Variants in TCTN3 observed in about 807,000 individuals in gnomAD.
The protein encoded by TCTN3 is tectonic family member 3.
In TCTN3, 57 loss-of-function variants were observed where a neutral mutation model predicts 71.3. The ratio of observed to expected loss-of-function variants is 0.80; its 90% CI spans 0.65 to 1.00. The LOEUF (loss-of-function observed/expected upper bound fraction) is 1.00, where lower values mean the gene tolerates loss of function less well. Among genes scored for constraint, TCTN3 ranks in the 50% least tolerant of loss-of-function variants. TCTN3 has a pLI of 0.00. For synonymous variants in TCTN3, 258 were observed against 267.8 expected (o/e 0.96, Z 0.36); for missense variants, 696 against 719.9 (o/e 0.97, Z 0.38).
At chr10:95,678,600 A>C (rs1396646705) in intron 13 of TCTN3, among the ~76,000 whole-genome samples, 1 of 151,854 alleles carries the variant, frequency 6.6e-6, no homozygotes, top group Non-Finnish European at 1.5e-5. Context: ...CGGAGAAGTG[A>C]TTTCAAGTTA....
Position 95,691,830 on chromosome 10 carries a change from G to A in TCTN3, c.499+1090C>T, listed in dbSNP as rs559577909. ...TTATTGTACTCTACAGTTGTAGAGC[G>A]CTTTCATATACAAAGCCAATGATAT... On this transcript the variant is annotated intron_variant, in intron 3 of 13. Transcript: ENST00000371217. Among the ~76,000 whole-genome samples the A allele has an allele frequency of 2.6e-5, 4 of 152,180 alleles. No homozygotes were observed. In the East Asian group the frequency reaches 5.8e-4, roughly 22 times the overall value.
intron 3 of TCTN3, among the ~76,000 whole-genome samples, chr10:95,690,296 C>T (rs1009858604): frequency 1.3e-5 from 2 of 152,134 alleles, no homozygotes; most frequent in African/African-American, 4.8e-5. Flanking sequence ...CCAATAGATA[C>T]TAAGCACCAT....
chr10:95,687,237 C>G lies in TCTN3; in HGVS notation c.736+10G>C, dbSNP rs1167298601. 6.2e-7 allele frequency: 1 copy of G among 1,613,352 alleles called. No homozygotes were observed. Among genetic ancestry groups the G allele is most frequent in the Non-Finnish European group, 8.5e-7 (1 of 1,179,598 alleles). ...GAATGAAAAGGTTGGTACTTTTGCT[C>G]TGGATTCACCTGCAGGATTGCTTTC... On this transcript the variant is annotated intron_variant, in intron 5 of 13. Coordinates refer to ENST00000371217, the MANE Select transcript of TCTN3 (RefSeq NM_015631.6).
chr10:95,688,269 A>C, intron 3 of TCTN3, among the ~76,000 whole-genome samples: 1 of 151,966 alleles, frequency 6.6e-6, no homozygotes. Context: ...AGGCGCCTGT[A>C]ATCCCAGCTA....
rs753380010 is a variant in TCTN3, at chr10:95,683,139, C to T, written c.1260G>A (p.Val420=). The change falls in exon 11 of 14, where the codon GTG becomes GTA. Residue 420 remains valine (V), a synonymous_variant. Transcript: ENST00000371217. ...CAGATATTGCATTCACTCCAAACTG[C>T]ACTTCATGTCTTTTAACAGAGCAAC... The part of the protein sequence containing the change: ...NGSCSVKRHE[V]QFGVNAISGC... 2.5e-6 allele frequency: 4 copies of T among 1,614,104 alleles called. No homozygotes were observed. The South Asian group carries it at 3.3e-5, about 13-fold the overall frequency.
chr10:95,693,904 C>A lies in TCTN3; in HGVS notation c.-5G>T, dbSNP rs937121806. 3 of 1,551,530 alleles carry A rather than the reference C, an allele frequency of 1.9e-6. No individual in the cohort carries two copies. Among genetic ancestry groups the A allele is most frequent in the Admixed American group, 2.0e-5 (1 of 50,982 alleles). On this transcript the variant is annotated 5_prime_UTR_variant, in exon 1 of 14. The change abolishes an upstream ATG in the 5' untranslated region. Coordinates refer to ENST00000371217, the MANE Select transcript of TCTN3 (RefSeq NM_015631.6). ...CGCGAGCTGTGGGGTGCGCATGGGG[C>A]ATTCAGGGCCTCCGGGTCCGACGTA...
chr10:95,676,148 T>C (rs2097936918), intron 13 of TCTN3, among the ~76,000 whole-genome samples: 1 of 152,222 alleles, frequency 6.6e-6, no homozygotes, highest in Admixed American at 6.5e-5. Flanking sequence ...GTCAGAGATG[T>C]ATCCTCTGAA....
At chr10:95,676,241 G>GAATAGAA (rs2097937044) in intron 13 of TCTN3, among the ~76,000 whole-genome samples, 1 of 148,746 alleles carries the variant, frequency 6.7e-6, no homozygotes, top group South Asian at 2.1e-4. Context: ...GAATAAACCA[G>GAATAGAA]AATAGAAAAT....
At chr10:95,690,407 G>A (rs1340500750) in intron 3 of TCTN3, among the ~76,000 whole-genome samples, 4 of 152,118 alleles carry the variant, frequency 2.6e-5, no homozygotes, top group South Asian at 4.1e-4. Flanking sequence ...AATCCTATAG[G>A]TTCTAAGACG....
At chr10:95,666,271 C>G (rs1431869775) in intron 13 of TCTN3, among the ~76,000 whole-genome samples, 3 of 148,796 alleles carry the variant, frequency 2.0e-5, no homozygotes, top group Non-Finnish European at 3.0e-5. Context: ...TAGTGAGGCT[C>G]ATGAGGGACT....
chr10:95,673,102 A>G (rs2097933362), intron 13 of TCTN3, among the ~76,000 whole-genome samples: 1 of 152,198 alleles, frequency 6.6e-6, no homozygotes, highest in South Asian at 2.1e-4. Flanking sequence ...CAGATAAACT[A>G]TTGAGAAACT....
Position 95,684,633 on chromosome 10 carries a change from CA to C in TCTN3, c.970-10del. ...TCTATCTCATAGGTGACCTGAAATGCAAAAAGAATCAATTAATAAAAAGTAG... is the reference window on the plus strand; with the variant it reads ...TCTATCTCATAGGTGACCTGAAATGCAAAAGAATCAATTAATAAAAAGTAG... On this transcript the variant is annotated splice_polypyrimidine_tract_variant and intron_variant, in intron 8 of 13. Coordinates refer to ENST00000371217, the MANE Select transcript of TCTN3 (RefSeq NM_015631.6). The C allele has an allele frequency of 6.2e-7, 1 of 1,610,294 alleles. No individual in the cohort carries two copies. Among genetic ancestry groups the C allele is most frequent in the Non-Finnish European group, 8.5e-7 (1 of 1,178,552 alleles).
Position 95,682,824 on chromosome 10 carries a change from A to G in TCTN3, c.1299-20T>C. ...TTCAACCTATAATTAAACACCATGGAGGCTGCAGTCCAATGCTAACATAAT... is the reference window on the plus strand; with the variant it reads ...TTCAACCTATAATTAAACACCATGGGGGCTGCAGTCCAATGCTAACATAAT... On this transcript the variant is annotated intron_variant, in intron 11 of 13. Coordinates refer to ENST00000371217, the MANE Select transcript of TCTN3 (RefSeq NM_015631.6). The G allele has an allele frequency of 6.2e-7, 1 of 1,611,264 alleles. No homozygotes were observed. The highest frequency in any genetic ancestry group is 1.1e-5 in the South Asian group (1 of 90,604).
At chr10:95,665,170 G>A (rs1439439275) in intron 13 of TCTN3, among the ~76,000 whole-genome samples, 1 of 152,140 alleles carries the variant, frequency 6.6e-6, no homozygotes, top group Non-Finnish European at 1.5e-5. Context: ...GTGGAGTGGT[G>A]CAATCATCAC....
chr10:95,666,235 C>T lies in TCTN3; in HGVS notation c.1591-1935G>A, dbSNP rs535075397. Among the ~76,000 whole-genome samples, 6 of 143,098 alleles carry T rather than the reference C, an allele frequency of 4.2e-5. No homozygotes were observed. In the East Asian group the frequency reaches 1.4e-3, roughly 34 times the overall value. 93.9% of individuals were successfully genotyped at this position (143,098 alleles called of 152,430 possible). On this transcript the variant is annotated intron_variant, in intron 13 of 13. Transcript: ENST00000371217. ...GGATTACAGGTGTGAGCCACCATGCCCAGCCTTTTTTTTTTTTTTTTAACA... is the reference window on the plus strand; with the variant it reads ...GGATTACAGGTGTGAGCCACCATGCTCAGCCTTTTTTTTTTTTTTTTAACA...
intron 9 of TCTN3, 48 bp from the exon 10 acceptor site, chr10:95,683,677 C>T: frequency 2.6e-6 from 4 of 1,516,128 alleles, no homozygotes; most frequent in Non-Finnish European, 3.6e-6. Context: ...AGCATACTTT[C>T]CCACCTCCCA....
intron 13 of TCTN3, among the ~76,000 whole-genome samples, chr10:95,676,120 A>G (rs1314730524): frequency 1.8e-5 from 2 of 112,224 alleles, no homozygotes; most frequent in African/African-American, 6.4e-5. Flanking sequence ...TAAATAAAAC[A>G]ATTAGTTATG....
At position 95,693,635 on chromosome 10, in the gene TCTN3, T is replaced by C. The variant is rs374257196; in HGVS notation, c.256+9A>G. ...AGTAAGTTTCCACCCCCACAACGTTTTCCCTCACCTGGGAAGAGGTCCACA... is the reference window on the plus strand; with the variant it reads ...AGTAAGTTTCCACCCCCACAACGTTCTCCCTCACCTGGGAAGAGGTCCACA... On this transcript the variant is annotated intron_variant, in intron 1 of 13. Coordinates refer to ENST00000371217, the MANE Select transcript of TCTN3 (RefSeq NM_015631.6). 1.9e-6 allele frequency: 3 copies of C among 1,548,786 alleles called. No individual in the cohort carries two copies. The highest frequency in any genetic ancestry group is 2.0e-5 in the Admixed American group (1 of 49,834).
rs1481315374 is a variant in TCTN3, at chr10:95,693,421, G to A, written c.312C>T (p.Cys104=). ...LTPGACDINC[C]CDRDCYLLHP... ...GGAGAAGATAGCAGTCCCTGTCGCAGCAGCAATTTATATCGCAGGCTCCAG... is the reference window on the plus strand; with the variant it reads ...GGAGAAGATAGCAGTCCCTGTCGCAACAGCAATTTATATCGCAGGCTCCAG... The change falls in exon 2 of 14, where the codon TGC becomes TGT. Residue 104 remains cysteine, a synonymous_variant. Transcript: ENST00000371217. The A allele has an allele frequency of 4.5e-6, 7 of 1,551,956 alleles. No individual in the cohort carries two copies. Among genetic ancestry groups the A allele is most frequent in the African/African-American group, 1.4e-5 (1 of 73,066 alleles).
Sources: allele counts gnomAD v4.1 joint callset (sites outside exome capture counted in the v4.1 genomes callset), GRCh38; gene constraint gnomAD v4.1.1; transcripts MANE v1.5; gene names NCBI Gene and HGNC (gene_info 2026-07-23, HGNC 2026-07-21).